Variants in ACP3 observed in about 807,000 individuals in gnomAD.
The protein encoded by ACP3 is acid phosphatase 3.
In ACP3, 38 loss-of-function variants were observed where a neutral mutation model predicts 45.6. The observed-to-expected ratio is 0.83, with a 90% confidence interval of 0.64 to 1.09. The LOEUF is 1.09. Ranked by LOEUF, ACP3 falls within the 50% of genes least tolerant of loss-of-function variation. The pLI is 0.00. For missense variants in ACP3, 466 were observed against 463.2 expected (o/e 1.01, Z -0.05); for synonymous variants, 162 against 164.7 (o/e 0.98, Z 0.13).
chr3:132,330,089 T>C (rs1937373101), intron 2 of ACP3, among the ~76,000 whole-genome samples: 1 of 151,920 alleles, frequency 6.6e-6, no homozygotes, highest in Non-Finnish European at 1.5e-5. Flanking sequence ...TGGCTAATTT[T>C]TTATATTTTT....
At chr3:132,360,281 A>C (rs1356331647), downstream of ACP3, among the ~76,000 whole-genome samples, 1 of 151,294 alleles carries the variant, frequency 6.6e-6, no homozygotes, top group East Asian at 2.0e-4. Context: ...AATTTGACAA[A>C]AGGCTGTAAC....
intron 1 of ACP3, among the ~76,000 whole-genome samples, chr3:132,319,190 G>A (rs112626151): frequency 0.018 from 2,673 of 152,146 alleles, 80 homozygotes; most frequent in African/African-American, 0.061. Flanking sequence ...ATAAAACAAC[G>A]TCCATCTAAG....
downstream of ACP3, among the ~76,000 whole-genome samples, chr3:132,360,146 G>A (rs6790901): frequency 6.2e-3 from 947 of 152,216 alleles, 7 homozygotes; most frequent in African/African-American, 0.022. Flanking sequence ...CATTAGGCTG[G>A]GTGGCCACTC....
At chr3:132,337,406 C>T in intron 4 of ACP3, 50 bp from the exon 5 acceptor site, 4 of 1,223,986 alleles carry the variant, frequency 3.3e-6, no homozygotes, top group Non-Finnish European at 3.6e-6. Context: ...GCATATTTAG[C>T]AAAGTTTTTC....
intron 4 of ACP3, 36 bp from the exon 5 acceptor site, chr3:132,337,420 C>A: frequency 7.2e-7 from 1 of 1,382,798 alleles, no homozygotes; most frequent in Non-Finnish European, 1.0e-6. Flanking sequence ...GTTTTTCTGA[C>A]TCATAACAGT....
chr3:132,326,940 A>C (rs1297477244), intron 1 of ACP3, among the ~76,000 whole-genome samples: 1 of 152,208 alleles, frequency 6.6e-6, no homozygotes, highest in East Asian at 1.9e-4. Context: ...TTTTGCTCAT[A>C]AGATGGCTTT....
intron 4 of ACP3, 77 bp downstream of exon 4, chr3:132,332,421 T>C (rs1277702732): frequency 1.9e-6 from 3 of 1,541,632 alleles, no homozygotes; most frequent in African/African-American, 2.7e-5. Flanking sequence ...AGTTGTGGAT[T>C]TGGGAGTCTG....
chr3:132,323,728 C>T (rs566805598), intron 1 of ACP3, among the ~76,000 whole-genome samples: 1 of 152,276 alleles, frequency 6.6e-6, no homozygotes, highest in East Asian at 1.9e-4. Flanking sequence ...AAGCTGAGGA[C>T]ATCAAGGTGA....
chr3:132,358,823 C>T lies in ACP3; in HGVS notation c.*1945C>T, dbSNP rs1937978244. 5 of 985,148 alleles carry T rather than the reference C, an allele frequency of 5.1e-6. No homozygotes were observed. Among genetic ancestry groups the T allele is most frequent in the Non-Finnish European group, 6.0e-6 (5 of 829,832 alleles). 61.0% of individuals were successfully genotyped at this position (985,148 alleles called of 1,614,324 possible). A position where few individuals can be genotyped will look rare whatever the true frequency, so the allele number is the denominator to read the frequency against. Reference sequence around the variant, plus strand: ...TGTGTGTTTAATTAGAATAAAATTCCTCTAGGCAGATTTCAGGAGCTCCCT... The same window carrying T: ...TGTGTGTTTAATTAGAATAAAATTCTTCTAGGCAGATTTCAGGAGCTCCCT... On this transcript the variant is annotated 3_prime_UTR_variant, in exon 10 of 10. Transcript: ENST00000336375.
chr3:132,349,836 C>T lies in ACP3; in HGVS notation c.782-84C>T, dbSNP rs1937679562. 8.8e-6 allele frequency: 8 copies of T among 907,226 alleles called. No individual in the cohort carries two copies. The East Asian group carries it at 2.0e-4, about 22-fold the overall frequency. The allele number at this position is 907,226 out of a possible 1,614,324, so 56.2% of individuals were successfully genotyped here. On this transcript the variant is annotated intron_variant, in intron 7 of 9. Transcript: ENST00000336375. ...CTTAAGTCATGGCAGGGAGAGTCCG[C>T]AACTATGAAGTGACAAAAAGCTAAT... is the stretch of plus-strand genomic sequence containing the variant.
Position 132,343,324 on chromosome 3 carries a change from G to T in ACP3, c.648+680G>T, listed in dbSNP as rs147417968. On this transcript the variant is annotated intron_variant, in intron 6 of 9. Transcript: ENST00000336375. ...AACTTTGAGGTCATCGTGAGAGTCT[G>T]GGGGGCAGCAATTACTTCCGTAGTT... Among the ~76,000 whole-genome samples the T allele has an allele frequency of 1.6e-4, 25 of 152,236 alleles. No individual in the cohort carries two copies. The East Asian group carries it at 4.6e-3, about 28-fold the overall frequency.
intron 7 of ACP3, among the ~76,000 whole-genome samples, chr3:132,347,643 C>T (rs1937625713): frequency 6.6e-6 from 1 of 151,918 alleles, no homozygotes; most frequent in African/African-American, 2.4e-5. Context: ...CCATGCCCAG[C>T]TAAATTTTTT....
At chr3:132,331,778 T>C in intron 3 of ACP3, 45 bp downstream of exon 3, 1 of 1,475,058 alleles carries the variant, frequency 6.8e-7, no homozygotes, top group Non-Finnish European at 9.4e-7. Context: ...TTTGAAATAA[T>C]TAAAATAATT....
intron 5 of ACP3, among the ~76,000 whole-genome samples, chr3:132,340,342 A>G (rs187415721): frequency 4.6e-5 from 7 of 151,924 alleles, no homozygotes; most frequent in Non-Finnish European, 7.4e-5. Context: ...GACCAAATAT[A>G]TATTTCACAA....
Position 132,352,560 on chromosome 3 carries a change from G to A in ACP3, c.865-160G>A, listed in dbSNP as rs141886803. Among the ~76,000 whole-genome samples, 222 of 152,200 alleles carry A rather than the reference G, an allele frequency of 1.5e-3. 1 individual carries two copies. Among genetic ancestry groups the A allele is most frequent in the African/African-American group, 5.2e-3 (214 of 41,524 alleles). Reference sequence around the variant, plus strand: ...TCTAAATCATACTGCCTAGCACACCGCTAATGCTCAACCAAAATCTTTCCT... The same window carrying A: ...TCTAAATCATACTGCCTAGCACACCACTAATGCTCAACCAAAATCTTTCCT... On this transcript the variant is annotated intron_variant, in intron 8 of 9. Coordinates refer to ENST00000336375, the MANE Select transcript of ACP3 (RefSeq NM_001099.5).
At position 132,367,792 on chromosome 3, in the gene ACP3, C is replaced by A; in HGVS notation, c.1227C>A (p.Cys409Ter). ...TTATCCACATTCGCCGTGGACTCTG[C>A]TGGCAGAGAGAATCCTATGGGAACA... The change falls in exon 11 of 11, where the codon TGC becomes TGA. Residue 409 changes from cysteine (C) to a stop codon, truncating the protein, a stop_gained. Coordinates refer to the ACP3 transcript ENST00000351273. LOFTEE classifies it high-confidence loss of function. 1.2e-6 allele frequency: 2 copies of A among 1,613,542 alleles called. No homozygotes were observed. The highest frequency in any genetic ancestry group is 2.2e-5 in the South Asian group (2 of 91,084).
At chr3:132,319,891 T>C (rs1161524324) in intron 1 of ACP3, among the ~76,000 whole-genome samples, 1 of 152,186 alleles carries the variant, frequency 6.6e-6, no homozygotes, top group Non-Finnish European at 1.5e-5. Context: ...GCTTTTCCTC[T>C]GTGATCCGAG....
chr3:132,340,331 A>AT lies in ACP3; in HGVS notation c.556-2221_556-2220insT, dbSNP rs562846032. Reference sequence around the variant, plus strand: ...ATTCCGTCTCAAAAAAAAAAAAAAAAGACCAAATATATATTTCACAATATC... The same window carrying AT: ...ATTCCGTCTCAAAAAAAAAAAAAAAATGACCAAATATATATTTCACAATATC... On this transcript the variant is annotated intron_variant, in intron 5 of 9. Transcript: ENST00000336375. Among the ~76,000 whole-genome samples the AT allele has an allele frequency of 8.1e-3, 1,236 of 151,728 alleles. 12 individuals are homozygous for AT. Among genetic ancestry groups the AT allele is most frequent in the African/African-American group, 0.028 (1,156 of 41,328 alleles).
chr3:132,337,646 TA>T, intron 5 of ACP3, 92 bp downstream of exon 5: 1 of 783,042 alleles, frequency 1.3e-6, no homozygotes, highest in Non-Finnish European at 2.1e-6. Flanking sequence ...TTTGGCTTCT[TA>T]AAAAGATGGG....
Sources: allele counts gnomAD v4.1 joint callset (sites outside exome capture counted in the v4.1 genomes callset), GRCh38; gene constraint gnomAD v4.1.1; transcripts MANE v1.5; gene names NCBI Gene and HGNC (gene_info 2026-07-23, HGNC 2026-07-21).